CROCC: variants seen among roughly 807,000 people sequenced by gnomAD.
CROCC encodes the protein rootletin.
In CROCC, 180 loss-of-function variants were observed where a neutral mutation model predicts 245.2. The observed-to-expected ratio is 0.73, with a 90% CI of 0.65 to 0.83. CROCC has a LOEUF of 0.83. Among genes scored for constraint, CROCC ranks in the 40% least tolerant of loss-of-function variants. CROCC has a pLI of 0.00. For missense variants in CROCC, 2,688 were observed against 2,779.4 expected (o/e 0.97, Z 0.74); for synonymous variants, 1,205 against 1,241.6 (o/e 0.97, Z 0.62).
At chr1:16,948,309 T>C in intron 17 of CROCC, 22 bp from the exon 18 acceptor site, 1 of 1,541,318 alleles carries the variant, frequency 6.5e-7, no homozygotes, top group Admixed American at 1.9e-5. Flanking sequence ...GGAGTGCTAC[T>C]CAGTCTCTGG....
rs757670329 is a variant in CROCC, at chr1:16,940,903, G to A, written c.1808+810G>A. On this transcript the variant is annotated intron_variant, in intron 13 of 36. Coordinates refer to ENST00000375541, the MANE Select transcript of CROCC (RefSeq NM_014675.5). ...CTGGCCTGGGGAAGGATATGGGACC[G>A]AAGCCTGAGAGTTAGGTTTCCACTC... The A allele has an allele frequency of 6.4e-5, 27 of 424,314 alleles. No individual in the cohort carries two copies. In the East Asian group the frequency reaches 8.1e-4, roughly 13 times the overall value. The allele number at this position is 424,314 out of a possible 1,614,324, so 26.3% of individuals were successfully genotyped here.
chr1:16,926,503 C>G (rs149436958), intron 3 of CROCC, among the ~76,000 whole-genome samples: 2,139 of 151,532 alleles, frequency 0.014, no homozygotes, highest in African/African-American at 0.05. Context: ...GGGCAGTCAG[C>G]GAGATTGTTC....
At chr1:16,930,922 C>T (rs1197769691) in intron 7 of CROCC, among the ~76,000 whole-genome samples, 2 of 152,292 alleles carry the variant, frequency 1.3e-5, no homozygotes, top group Non-Finnish European at 2.9e-5. Flanking sequence ...TGCCACTGCA[C>T]TCCATCCTGG....
At chr1:16,964,612 T>A (rs890205054) in intron 27 of CROCC, among the ~76,000 whole-genome samples, 2 of 152,204 alleles carry the variant, frequency 1.3e-5, no homozygotes, top group Non-Finnish European at 2.9e-5. Flanking sequence ...CTCGAACTGC[T>A]GACCTCGTGA....
chr1:16,944,285 G>T lies in CROCC; in HGVS notation c.1991+3G>T, dbSNP rs6684687. On this transcript the variant is annotated splice_donor_region_variant and intron_variant, in intron 14 of 36. Coordinates refer to ENST00000375541, the MANE Select transcript of CROCC (RefSeq NM_014675.5). The stretch of plus-strand genomic sequence containing the variant: ...GTGCGCCGGGAGCTTGAGCGCAGGT[G>T]AGCAGCATCTCGCCACCCTGCCAGG... 4,962 of 1,530,698 alleles carry T rather than the reference G, an allele frequency of 3.2e-3. 15 individuals carry two copies. In the African/African-American group the frequency reaches 0.044, roughly 14 times the overall value. The allele number at this position is 1,530,698 out of a possible 1,614,324, so 94.8% of individuals were successfully genotyped here.
At position 16,953,486 on chromosome 1, in the gene CROCC, G is replaced by A. The variant is rs1265717567; in HGVS notation, c.3186+5G>A. On this transcript the variant is annotated splice_donor_5th_base_variant and intron_variant, in intron 21 of 36. Coordinates refer to ENST00000375541, the MANE Select transcript of CROCC (RefSeq NM_014675.5). ...GCAGAGAGTGAGAAGCAGCAGGTTCGTGAGCCCTGGCATGGCCTCTGCTGC... is the reference window on the plus strand; with the variant it reads ...GCAGAGAGTGAGAAGCAGCAGGTTCATGAGCCCTGGCATGGCCTCTGCTGC... 10 of 1,598,920 alleles carry A rather than the reference G, an allele frequency of 6.3e-6. No individual in the cohort carries two copies. Among genetic ancestry groups the A allele is most frequent in the Non-Finnish European group, 8.5e-6 (10 of 1,177,798 alleles).
intron 11 of CROCC, 90 bp from the exon 12 acceptor site, chr1:16,938,819 A>G (rs1204247852): frequency 2.2e-5 from 28 of 1,262,722 alleles, no homozygotes; most frequent in South Asian, 7.9e-5. Flanking sequence ...GGAATGAGGC[A>G]GCCCCCAGCC....
Position 16,970,274 on chromosome 1 carries a change from G to A in CROCC, c.5473G>A (p.Gly1825Ser), listed in dbSNP as rs1214611118. The change falls in exon 34 of 37, where the codon GGT (glycine) becomes AGT (serine). Residue 1825 changes from glycine (G) to serine (S), a missense_variant. Physicochemically the swap from Gly to Ser is moderately conservative, Grantham distance 56 (BLOSUM62 0). Around this residue, in one of 9 missense-constraint regions of CROCC, gnomAD observed 1,218 missense variants for 1,286.3 expected, o/e 0.95. Coordinates refer to ENST00000375541, the MANE Select transcript of CROCC (RefSeq NM_014675.5). The part of the protein sequence containing the change: ...LREVLRQRQE[G>S]EAAALNTVQK... ...GCAGGTGCTGCGGCAGCGGCAGGAG[G>A]GTGAGGCTGCAGCCCTGAACACCGT... is the stretch of plus-strand genomic sequence containing the variant. 3.8e-6 allele frequency: 6 copies of A among 1,563,756 alleles called. No individual in the cohort carries two copies. Among genetic ancestry groups the A allele is most frequent in the East Asian group, 2.4e-5 (1 of 42,210 alleles).
In CROCC at chr1:16,930,187, C is replaced by A. The variant is rs1175914286; in HGVS notation, c.601C>A (p.Leu201Met). 3.8e-6 allele frequency: 6 copies of A among 1,592,586 alleles called. No homozygotes were observed. The Admixed American group carries it at 7.1e-5, about 19-fold the overall frequency. ...EQQLLERSGE[L>M]EQQRLRDTEH... is the part of the protein sequence containing the mutation. Reference sequence around the variant, plus strand: ...GCAGCTGCTGGAGAGATCCGGAGAGCTGGAGCAGCAGCGGCTGAGGGTGGG... The same window carrying A: ...GCAGCTGCTGGAGAGATCCGGAGAGATGGAGCAGCAGCGGCTGAGGGTGGG... The change falls in exon 5 of 37, where the codon CTG becomes ATG. Residue 201 changes from leucine (L) to methionine (M), a missense_variant. By Grantham distance (15) the Leu-to-Met change is conservative. This residue lies in a region of CROCC where 972 missense variants were observed against 895.3 expected (regional missense o/e 1.09). Coordinates refer to ENST00000375541, the MANE Select transcript of CROCC (RefSeq NM_014675.5).
intron 2 of CROCC, among the ~76,000 whole-genome samples, chr1:16,923,170 G>A (rs1225020227): frequency 6.6e-6 from 1 of 152,290 alleles, no homozygotes; most frequent in Non-Finnish European, 1.5e-5. Context: ...AAGTCTGAGT[G>A]GATGGCGCCG....
At chr1:16,946,085 T>TC (rs200713245) in intron 15 of CROCC, among the ~76,000 whole-genome samples, 174 bp from the exon 16 acceptor site, 5,244 of 151,066 alleles carry the variant, frequency 0.035, no homozygotes, top group Middle Eastern at 0.058. Context: ...TTTAAATGGC[T>TC]CATAAGCAGC....
intron 2 of CROCC, among the ~76,000 whole-genome samples, chr1:16,923,382 C>T (rs1355810032): frequency 2.0e-5 from 3 of 152,400 alleles, no homozygotes; most frequent in South Asian, 2.1e-4. Context: ...TCCTTGGGAG[C>T]GCCAGGGATG....
chr1:16,961,932 C>T (rs1385138555), intron 27 of CROCC, among the ~76,000 whole-genome samples: 1 of 152,156 alleles, frequency 6.6e-6, no homozygotes, highest in African/African-American at 2.4e-5. Context: ...CCTTTGACTC[C>T]TTATCTGATT....
At chr1:16,959,668 C>T (rs1570695725) in intron 26 of CROCC, among the ~76,000 whole-genome samples, 1 of 152,304 alleles carries the variant, frequency 6.6e-6, no homozygotes, top group African/African-American at 2.4e-5. Context: ...TGTGACCATG[C>T]ATCCCATCAG....
chr1:16,951,136 G>A lies in CROCC; in HGVS notation c.3006+14G>A. On this transcript the variant is annotated intron_variant, in intron 20 of 36. Transcript: ENST00000375541. ...CAGCGTGAAAAGGTTCAGGCAGCTGGGGAGGGGTGGGCAGGACTCTGAGCC... is the reference window on the plus strand; with the variant it reads ...CAGCGTGAAAAGGTTCAGGCAGCTGAGGAGGGGTGGGCAGGACTCTGAGCC... 6.7e-7 allele frequency: 1 copy of A among 1,491,408 alleles called. No individual in the cohort carries two copies. The highest frequency in any genetic ancestry group is 8.9e-7 in the Non-Finnish European group (1 of 1,117,470). The allele number at this position is 1,491,408 out of a possible 1,614,324, so 92.4% of individuals were successfully genotyped here.
At position 16,954,628 on chromosome 1, in the gene CROCC, G is replaced by GGGAA. The variant is rs2076218033; in HGVS notation, c.3322-104_3322-103insAAGG. 4 of 1,407,966 alleles carry GGGAA rather than the reference G, an allele frequency of 2.8e-6. No homozygotes were observed. The highest frequency in any genetic ancestry group is 3.8e-6 in the Non-Finnish European group (4 of 1,057,422). The allele number at this position is 1,407,966 out of a possible 1,614,324, so 87.2% of individuals were successfully genotyped here. On this transcript the variant is annotated intron_variant, in intron 22 of 36. Coordinates refer to ENST00000375541, the MANE Select transcript of CROCC (RefSeq NM_014675.5). This position sits in a 1 kb window ranked among gnomAD's most constrained non-coding sequence, Gnocchi z 4.4. ...CAGAGGGTCCGGCAGGCCAGCGGGAGGGGCCGTGTTTAGAGCTAAAAGTGG... is the reference window on the plus strand; with the variant it reads ...CAGAGGGTCCGGCAGGCCAGCGGGAGGGAAGGGCCGTGTTTAGAGCTAAAAGTGG...
upstream of CROCC, among the ~76,000 whole-genome samples, chr1:16,921,084 A>G (rs1221775115): frequency 1.3e-5 from 2 of 152,234 alleles, no homozygotes; most frequent in African/African-American, 4.8e-5. Flanking sequence ...TGAAATGAGT[A>G]TTTCTTGAGT....
At position 16,922,682 on chromosome 1, in the gene CROCC, T is replaced by C. The variant is rs2075434594; in HGVS notation, c.80T>C (p.Leu27Pro). ...CCACAGACACTGGAGAGCAGCGTCC[T>C]GTGCCAGGAGAAAGGCTTGGGCGCG... The part of the protein sequence containing the change: ...TVIQTLESSV[L>P]CQEKGLGARD... The change falls in exon 2 of 37, where the codon CTG becomes CCG. Residue 27 changes from leucine to proline, a missense_variant. This residue lies in a region of CROCC where 972 missense variants were observed against 895.3 expected (regional missense o/e 1.09). Coordinates refer to ENST00000375541, the MANE Select transcript of CROCC (RefSeq NM_014675.5). 2 of 1,612,196 alleles carry C rather than the reference T, an allele frequency of 1.2e-6. No individual in the cohort carries two copies. Among genetic ancestry groups the C allele is most frequent in the Non-Finnish European group, 1.7e-6 (2 of 1,179,172 alleles).
chr1:16,954,478 G>A lies in CROCC; in HGVS notation c.3321+121G>A. On this transcript the variant is annotated intron_variant, in intron 22 of 36. Coordinates refer to ENST00000375541, the MANE Select transcript of CROCC (RefSeq NM_014675.5). This position sits in a 1 kb window ranked among gnomAD's most constrained non-coding sequence, Gnocchi z 4.4. ...GAAGCTTCCAGGCTGTGGGAAAGGA[G>A]GTTTAGCCCTTCTTTTGGGAGCCCC... 2.2e-6 allele frequency: 3 copies of A among 1,380,006 alleles called. No homozygotes were observed. The highest frequency in any genetic ancestry group is 1.5e-5 in the South Asian group (1 of 68,858). 85.5% of individuals were successfully genotyped at this position (1,380,006 alleles called of 1,614,324 possible). A position where few individuals can be genotyped will look rare whatever the true frequency, so the allele number is the denominator to read the frequency against.
Sources: gnomAD v4.1 joint callset for allele counts (sites outside exome capture counted in the v4.1 genomes callset) on GRCh38, gnomAD v4.1.1 for gene constraint, gnomAD v4.1.1 regional missense constraint, Gnocchi (gnomAD v3.1) non-coding constraint, MANE v1.5 for transcripts, NCBI Gene and HGNC (gene_info 2026-07-23, HGNC 2026-07-21) for gene names.